The following STK3 variants were observed in gnomAD, a reference collection of about 807,000 sequenced individuals.
STK3 encodes serine/threonine kinase 3, also known as serine/threonine-protein kinase 3.
In STK3, 41 loss-of-function variants were observed where a neutral mutation model predicts 58.0. That is an observed-to-expected ratio of 0.71 (90% CI 0.55 to 0.92). The LOEUF (loss-of-function observed/expected upper bound fraction) is 0.92. STK3 is among the 40% of genes least tolerant of loss of function. The pLI is 0.00. For synonymous variants in STK3, 170 were observed against 191.0 expected, an observed-to-expected ratio of 0.89 and a Z score of 0.91; for missense variants, 479 against 602.7, an observed-to-expected ratio of 0.79 and a Z score of 2.15.
At chr8:98,585,700 T>C (rs888856611) in intron 7 of STK3, among the ~76,000 whole-genome samples, 2 of 152,036 alleles carry the variant, frequency 1.3e-5, no homozygotes, top group African/African-American at 4.8e-5. Flanking sequence ...ATGGCCTTTT[T>C]CACGATATTG....
intron 1 of STK3, among the ~76,000 whole-genome samples, chr8:98,793,558 C>T (rs1296918098): frequency 6.6e-6 from 1 of 152,010 alleles, no homozygotes; most frequent in Admixed American, 6.6e-5. Flanking sequence ...ACTTCTAGAC[C>T]TAGGAAAAGA....
At chr8:98,907,213 A>G (rs977794917) in intron 1 of STK3, among the ~76,000 whole-genome samples, 1 of 151,966 alleles carries the variant, frequency 6.6e-6, no homozygotes, top group Non-Finnish European at 1.5e-5. Context: ...AAATAGAAGT[A>G]TATAGAAATC....
intron 10 of STK3, among the ~76,000 whole-genome samples, chr8:98,475,160 A>G (rs1030452984): frequency 6.6e-6 from 1 of 152,204 alleles, no homozygotes; most frequent in Non-Finnish European, 1.5e-5. Flanking sequence ...GTCTCAATCA[A>G]TTCATTGGCT....
At chr8:98,855,739 C>T (rs142842182) in intron 3 of STK3, among the ~76,000 whole-genome samples, 1 of 152,110 alleles carries the variant, frequency 6.6e-6, no homozygotes, top group African/African-American at 2.4e-5. Flanking sequence ...AGGCTGGGCA[C>T]AGTGACTCAC....
intron 6 of STK3, among the ~76,000 whole-genome samples, chr8:98,649,171 C>T (rs1388481669): frequency 6.6e-6 from 1 of 151,354 alleles, no homozygotes; most frequent in Non-Finnish European, 1.5e-5. Context: ...AACTATTCAT[C>T]TCTCTCCCTG....
At chr8:98,936,304 A>G (rs1019302720) in intron 1 of STK3, among the ~76,000 whole-genome samples, 46 of 152,126 alleles carry the variant, frequency 3.0e-4, no homozygotes, top group Non-Finnish European at 2.9e-5. Flanking sequence ...CTTGCCCAAC[A>G]TAATAGAGCT....
chr8:98,838,610 T>G (rs1180634871), intron 3 of STK3, among the ~76,000 whole-genome samples: 2 of 152,142 alleles, frequency 1.3e-5, no homozygotes, highest in Non-Finnish European at 2.9e-5. Flanking sequence ...TCTGAGCATG[T>G]GATACATTCA....
intron 9 of STK3, among the ~76,000 whole-genome samples, chr8:98,534,222 C>T (rs990305281): frequency 2.0e-5 from 3 of 152,178 alleles, no homozygotes; most frequent in Admixed American, 6.6e-5. Flanking sequence ...ACAGCTGTTC[C>T]AGCTTTAGAT....
At chr8:98,633,855 A>C (rs1396011528) in intron 6 of STK3, 1 of 415,230 alleles carries the variant, frequency 2.4e-6, no homozygotes, top group Non-Finnish European at 4.6e-6. Flanking sequence ...TGAAGTCATC[A>C]AAAAACCCCA....
At chr8:98,715,833 G>A (rs534468565) in intron 4 of STK3, among the ~76,000 whole-genome samples, 151 of 152,220 alleles carry the variant, frequency 9.9e-4, no homozygotes, top group Admixed American at 3.5e-3. Context: ...ACATGCACAC[G>A]TATGTTTACT....
chr8:98,779,810 T>C (rs956567229), intron 1 of STK3, among the ~76,000 whole-genome samples: 2 of 152,198 alleles, frequency 1.3e-5, no homozygotes, highest in Admixed American at 1.3e-4. Context: ...CTTTTGCTTA[T>C]GGACATCCAG....
At chr8:98,822,038 A>G (rs550557375) in intron 1 of STK3, among the ~76,000 whole-genome samples, 3 of 152,186 alleles carry the variant, frequency 2.0e-5, no homozygotes, top group South Asian at 4.2e-4. Flanking sequence ...ACATATATAT[A>G]TACACACACA....
intron 1 of STK3, among the ~76,000 whole-genome samples, chr8:98,814,560 G>A (rs1262169707): frequency 6.6e-6 from 1 of 152,044 alleles, no homozygotes; most frequent in Non-Finnish European, 1.5e-5. Context: ...AAGCTGGAGT[G>A]CAGTGGTACA....
chr8:98,365,141 A>G, the STK3 span, among the ~76,000 whole-genome samples: 1 of 152,124 alleles, frequency 6.6e-6, no homozygotes, highest in Admixed American at 6.5e-5. Flanking sequence ...ATATTACCAT[A>G]CCGATGCAGT....
chr8:98,476,262 C>T (rs1821302405), intron 10 of STK3, among the ~76,000 whole-genome samples: 1 of 152,190 alleles, frequency 6.6e-6, no homozygotes, highest in Non-Finnish European at 1.5e-5. Flanking sequence ...GATATGAAAT[C>T]TTGGGAGCAA....
intron 4 of STK3, among the ~76,000 whole-genome samples, chr8:98,737,335 G>A (rs1232901327): frequency 6.6e-6 from 1 of 152,050 alleles, no homozygotes; most frequent in Non-Finnish European, 1.5e-5. Flanking sequence ...TCACTCCAAG[G>A]AAAAGGCCCC....
At chr8:98,798,898 CT>C (rs1174965423) in intron 1 of STK3, among the ~76,000 whole-genome samples, 2 of 152,210 alleles carry the variant, frequency 1.3e-5, no homozygotes, top group African/African-American at 4.8e-5. Context: ...GATTTCACCC[CT>C]GTCCTTTCAC....
chr8:98,672,066 C>T (rs1168180049), intron 6 of STK3, among the ~76,000 whole-genome samples: 1 of 152,118 alleles, frequency 6.6e-6, no homozygotes, highest in African/African-American at 2.4e-5. Context: ...TCAATTAAAC[C>T]TCTTTTCTTT....
chr8:98,938,950 T>C (rs149635459), intron 1 of STK3, among the ~76,000 whole-genome samples: 8 of 152,272 alleles, frequency 5.3e-5, no homozygotes, highest in African/African-American at 1.9e-4. Context: ...TAGTATTAGA[T>C]AATACTAATT....
Sources: allele counts gnomAD v4.1 joint callset (sites outside exome capture counted in the v4.1 genomes callset), GRCh38; gene constraint gnomAD v4.1.1; transcripts MANE v1.5; gene names NCBI Gene and HGNC (gene_info 2026-07-23, HGNC 2026-07-21).